Variants in COL4A3 observed in about 807,000 individuals in gnomAD.
COL4A3 encodes the protein collagen alpha-3(IV) chain.
A neutral mutation model predicts 217.4 loss-of-function variants in COL4A3; 135 were observed. The ratio of observed to expected loss-of-function variants is 0.62; its 90% CI spans 0.54 to 0.72. The LOEUF is 0.72. Among genes scored for constraint, COL4A3 ranks in the 30% least tolerant of loss-of-function variants. The pLI, the probability that COL4A3 is intolerant of heterozygous loss-of-function variation, is 0.00. For synonymous variants in COL4A3, 690 were observed against 736.3 expected, an observed-to-expected ratio of 0.94 and a Z score of 1.02; for missense variants, 1,868 against 2,119.9, an observed-to-expected ratio of 0.88 and a Z score of 2.33.
rs565698638 is a variant in COL4A3 at position 227,191,959 on chromosome 2, G to T, written c.87+27146G>T. On this transcript the variant is annotated intron_variant, in intron 1 of 51. Transcript: ENST00000396578. This position sits in a 1 kb window ranked among gnomAD's most constrained non-coding sequence, Gnocchi z 6.8. ...TGGAAAGGGAAAAAAATTATCGAAGGAAAGTCATATTTCCTTAAATTTCTC... is the reference window on the plus strand; with the variant it reads ...TGGAAAGGGAAAAAAATTATCGAAGTAAAGTCATATTTCCTTAAATTTCTC... 2.0e-5 allele frequency among the ~76,000 whole-genome samples: 3 copies of T among 152,228 alleles called. No individual in the cohort carries two copies. The East Asian group carries it at 5.8e-4, about 29-fold the overall frequency.
At chr2:227,193,815 G>A (rs146947068) in intron 1 of COL4A3, among the ~76,000 whole-genome samples, 6,414 of 50,416 alleles carry the variant, frequency 0.13, 1,649 homozygotes, top group East Asian at 0.4. Context: ...GGGAGGGAGG[G>A]AAGGAAAGGA....
chr2:227,245,878 T>C (rs1348836961), intron 5 of COL4A3, 76 bp from the exon 6 acceptor site: 3 of 988,480 alleles, frequency 3.0e-6, no homozygotes, highest in Non-Finnish European at 4.9e-6. Flanking sequence ...GCTATTTAAA[T>C]CAGTGCATCT....
intron 15 of COL4A3, among the ~76,000 whole-genome samples, chr2:227,255,634 C>T (rs2070114133): frequency 6.6e-6 from 1 of 152,096 alleles, no homozygotes; most frequent in Admixed American, 6.5e-5. Flanking sequence ...ACCAATATTT[C>T]AAATAAATAA....
At chr2:227,296,759 A>G (rs2073044402) in intron 41 of COL4A3, among the ~76,000 whole-genome samples, 2 of 152,334 alleles carry the variant, frequency 1.3e-5, no homozygotes, top group East Asian at 1.9e-4. Context: ...GTGAATAGAC[A>G]TAGGGCTAGA....
intron 9 of COL4A3, among the ~76,000 whole-genome samples, chr2:227,249,230 A>ATATATATATATTTT: frequency 1.0e-3 from 15 of 14,682 alleles, no homozygotes; most frequent in Admixed American, 1.6e-3. Context: ...ATATATATAT[A>ATATATATATATTTT]TTTTTTTTTT....
At position 227,297,716 on chromosome 2, in the gene COL4A3, C is replaced by A. The variant is rs758528330; in HGVS notation, c.3608C>A (p.Pro1203Gln). 6.2e-7 allele frequency: 1 copy of A among 1,608,436 alleles called. No homozygotes were observed. The highest frequency in any genetic ancestry group is 8.5e-7 in the Non-Finnish European group (1 of 1,178,080). The change falls in exon 42 of 52, where the codon CCG (proline) becomes CAG (glutamine). Residue 1203 changes from proline to glutamine, a missense_variant. Around this residue, in one of 2 missense-constraint regions of COL4A3, gnomAD observed 1,503 missense variants for 1,786.1 expected, o/e 0.84. Transcript: ENST00000396578. ...DRGAPGFPGL[P>Q]GRKGAMGDAG... ...GGAGCCCCAGGTTTTCCTGGCCTCC[C>A]GGGCAGAAAAGGGGCCATGGGAGAT...
At chr2:227,284,400 A>T in intron 34 of COL4A3, 55 bp downstream of exon 34, 1 of 1,574,084 alleles carries the variant, frequency 6.4e-7, no homozygotes, top group Non-Finnish European at 8.6e-7. Context: ...CAGGCTAATA[A>T]ATTATCCAGG....
chr2:227,180,278 G>T (rs1306833240), intron 1 of COL4A3, among the ~76,000 whole-genome samples: 1 of 152,232 alleles, frequency 6.6e-6, no homozygotes, highest in Non-Finnish European at 1.5e-5. Context: ...GGTTCCAACT[G>T]ATTGGAAGCA....
In COL4A3 at chr2:227,303,889, C is replaced by G. The variant is rs1390815554; in HGVS notation, c.3986C>G (p.Ser1329Cys). 3.1e-6 allele frequency: 5 copies of G among 1,614,042 alleles called. No homozygotes were observed. Among genetic ancestry groups the G allele is most frequent in the African/African-American group, 2.7e-5 (2 of 74,938 alleles). Residue 1329 changes from serine to cysteine, a missense_variant, in exon 45 of 52, where the codon TCC becomes TGC. Ser to Cys is a moderately radical substitution (Grantham distance 112, BLOSUM62 -1). Coordinates refer to ENST00000396578, the MANE Select transcript of COL4A3 (RefSeq NM_000091.5). The part of the protein sequence containing the change: ...GEKGNPGFLG[S>C]IGPPGPIGPK... ...AAGGGTAATCCTGGATTTCTAGGAT[C>G]CATTGGACCTCCAGGACCAATTGGG... is the stretch of plus-strand genomic sequence containing the variant.
Position 227,240,157 on chromosome 2 carries a change from T to C in COL4A3, c.159T>C (p.Phe53=), listed in dbSNP as rs1217941846. 3 of 1,609,554 alleles carry C rather than the reference T, an allele frequency of 1.9e-6. No individual in the cohort carries two copies. The highest frequency in any genetic ancestry group is 2.5e-6 in the Non-Finnish European group (3 of 1,178,150). Residue 53 remains phenylalanine (F), a synonymous_variant, in exon 3 of 52, where the codon TTT becomes TTC. Coordinates refer to ENST00000396578, the MANE Select transcript of COL4A3 (RefSeq NM_000091.5). ...GGTTTTAACAGGGGGAGAAGGGCTT[T>C]CCTGGACCCCCCGGTTCTCCTGGCC... ...GAKGEKGEKG[F]PGPPGSPGQK...
At chr2:227,170,878 A>G (rs1308593659) in intron 1 of COL4A3, among the ~76,000 whole-genome samples, 1 of 152,122 alleles carries the variant, frequency 6.6e-6, no homozygotes, top group Non-Finnish European at 1.5e-5. Context: ...TAATGTTATC[A>G]TTTATTTAGT....
chr2:227,297,914 A>G (rs1274283556), intron 42 of COL4A3, 55 bp downstream of exon 42: 4 of 1,535,432 alleles, frequency 2.6e-6, no homozygotes, highest in Non-Finnish European at 8.8e-7. Context: ...TTTGACCTCA[A>G]AAGTTTTCAA....
In COL4A3 at chr2:227,254,087, C is replaced by T. The variant is rs1366286793; in HGVS notation, c.766-25C>T. ...GAAATCTCATTTCATCCATTTGTAA[C>T]AATGTTGAACTGTTTCTTTGGCAGG... On this transcript the variant is annotated intron_variant, in intron 13 of 51. Transcript: ENST00000396578. 10 of 1,605,034 alleles carry T rather than the reference C, an allele frequency of 6.2e-6. No individual in the cohort carries two copies. The Admixed American group carries it at 1.3e-4, about 21-fold the overall frequency.
Position 227,241,575 on chromosome 2 carries a change from G to C in COL4A3, c.234+1343G>C, listed in dbSNP as rs565283298. Among the ~76,000 whole-genome samples, 16 of 152,250 alleles carry C rather than the reference G, an allele frequency of 1.1e-4. No homozygotes were observed. In the East Asian group the frequency reaches 2.3e-3, roughly 22 times the overall value. On this transcript the variant is annotated intron_variant, in intron 3 of 51. Transcript: ENST00000396578. Reference sequence around the variant, plus strand: ...TGTGGTCTCAGCTACTCAGGAGGCTGAGGTAGGAGGATTGCTTGAGCCCTG... The same window carrying C: ...TGTGGTCTCAGCTACTCAGGAGGCTCAGGTAGGAGGATTGCTTGAGCCCTG...
intron 15 of COL4A3, among the ~76,000 whole-genome samples, 157 bp from the exon 16 acceptor site, chr2:227,255,869 G>T (rs1222832777): frequency 1.3e-5 from 2 of 152,204 alleles, no homozygotes; most frequent in African/African-American, 4.8e-5. Context: ...GTATTCTGTG[G>T]TTAATAGTTT....
chr2:227,291,038 C>A, intron 37 of COL4A3, 152 bp downstream of exon 37: 3 of 875,112 alleles, frequency 3.4e-6, no homozygotes, highest in South Asian at 1.6e-5. Flanking sequence ...CCTATCTCCA[C>A]AACAGAGGAT....
chr2:227,245,936 G>A lies in COL4A3; in HGVS notation c.325-18G>A. The A allele has an allele frequency of 6.2e-7, 1 of 1,611,016 alleles. No homozygotes were observed. Among genetic ancestry groups the A allele is most frequent in the South Asian group, 1.1e-5 (1 of 91,026 alleles). ...TTCTTGGGATGACCCTCCTCATTGA[G>A]ACTTGTTCTTCTTCCAGGGCACCCC... On this transcript the variant is annotated intron_variant, in intron 5 of 51. Coordinates refer to ENST00000396578, the MANE Select transcript of COL4A3 (RefSeq NM_000091.5).
At chr2:227,197,721 G>A (rs1017581640) in intron 1 of COL4A3, among the ~76,000 whole-genome samples, 1 of 152,180 alleles carries the variant, frequency 6.6e-6, no homozygotes, top group Non-Finnish European at 1.5e-5. Context: ...TCTTGGAAAA[G>A]TGGAAATGGA....
intron 36 of COL4A3, among the ~76,000 whole-genome samples, chr2:227,290,415 G>A (rs780949444): frequency 1.3e-5 from 2 of 152,070 alleles, no homozygotes; most frequent in Admixed American, 6.6e-5. Context: ...CAGGAGAATC[G>A]CTTGAACCCG....
Sources: allele counts gnomAD v4.1 joint callset (sites outside exome capture counted in the v4.1 genomes callset), GRCh38; gene constraint gnomAD v4.1.1; regional missense constraint gnomAD v4.1.1; non-coding constraint Gnocchi (gnomAD v3.1); transcripts MANE v1.5; gene names NCBI Gene and HGNC (gene_info 2026-07-23, HGNC 2026-07-21).